Variants in MICAL1 observed in about 807,000 individuals in gnomAD.
MICAL1 encodes microtubule associated monooxygenase, calponin and LIM domain containing 1.
In MICAL1, 95 loss-of-function variants were observed where a neutral mutation model predicts 131.8. That is an observed-to-expected ratio of 0.72 (90% CI 0.61 to 0.86). The LOEUF (loss-of-function observed/expected upper bound fraction) is 0.86. MICAL1 is among the 40% of genes least tolerant of loss of function. The pLI, the probability that MICAL1 is intolerant of heterozygous loss-of-function variation, is 0.00. For synonymous variants in MICAL1, 546 were observed against 554.2 expected, an observed-to-expected ratio of 0.99 and a Z score of 0.21; for missense variants, 1,292 against 1,380.6, an observed-to-expected ratio of 0.94 and a Z score of 1.02.
Position 109,444,229 on chromosome 6 carries a change from G to A in MICAL1, c.3166C>T (p.Leu1056Phe). The change falls in exon 25 of 25, where the codon CTC (leucine) becomes TTC (phenylalanine). Residue 1056 changes from leucine to phenylalanine, a missense_variant. Physicochemically the swap from Leu to Phe is conservative, Grantham distance 22. Coordinates refer to ENST00000358807, the MANE Select transcript of MICAL1 (RefSeq NM_022765.4). Reference protein sequence around the residue: ...ALIRFQEERRLSELALGTGAQ... With the variant: ...ALIRFQEERRFSELALGTGAQ... Reference sequence around the variant, plus strand: ...CCTGTCCCCAAGGCCAGCTCGCTGAGCCTGCGCTCCTCCTGGAAGCGGATG... The same window carrying A: ...CCTGTCCCCAAGGCCAGCTCGCTGAACCTGCGCTCCTCCTGGAAGCGGATG... 6.2e-7 allele frequency: 1 copy of A among 1,613,638 alleles called. No individual in the cohort carries two copies. The highest frequency in any genetic ancestry group is 8.5e-7 in the Non-Finnish European group (1 of 1,180,020).
Position 109,451,152 on chromosome 6 carries a change from CTTT to C in MICAL1, c.933+445_933+447del, listed in dbSNP as rs34927673. ...CTGCCTTGTAAATCCCAGGGGAGAA[CTTT>C]TTTTTTTTTTTTTTTTGAGACAGAG... On this transcript the variant is annotated intron_variant, in intron 7 of 24. Coordinates refer to ENST00000358807, the MANE Select transcript of MICAL1 (RefSeq NM_022765.4). Among the ~76,000 whole-genome samples the C allele has an allele frequency of 2.7e-3, 357 of 134,460 alleles. 2 individuals carry two copies. Among genetic ancestry groups the C allele is most frequent in the African/African-American group, 5.2e-3 (186 of 36,024 alleles). The allele number at this position is 134,460 out of a possible 152,430, so 88.2% of individuals were successfully genotyped here.
intron 1 of MICAL1, chr6:109,465,571 C>T: frequency 7.4e-7 from 1 of 1,346,818 alleles, no homozygotes; most frequent in Non-Finnish European, 1.0e-6. Context: ...AGATCAATGC[C>T]CCCAAAGAAA....
chr6:109,460,380 G>T (rs1000243128), upstream of MICAL1, among the ~76,000 whole-genome samples: 24 of 145,636 alleles, frequency 1.6e-4, no homozygotes, highest in African/African-American at 5.9e-4. Flanking sequence ...AGTGAGCCAT[G>T]ATCATGCCAC....
chr6:109,449,344 G>T, intron 11 of MICAL1, 56 bp downstream of exon 11: 1 of 1,568,100 alleles, frequency 6.4e-7, no homozygotes, highest in Non-Finnish European at 8.8e-7. Context: ...GGGACCACCT[G>T]GGCCTCGCTG....
chr6:109,448,118 C>T (rs1039543236), intron 13 of MICAL1, 85 bp downstream of exon 13: 13 of 1,218,234 alleles, frequency 1.1e-5, no homozygotes, highest in East Asian at 5.3e-5. Context: ...ACACACACAC[C>T]GCCTTCTCCC....
intron 18 of MICAL1, 91 bp downstream of exon 18, chr6:109,446,605 G>T: frequency 1.4e-6 from 2 of 1,435,242 alleles, no homozygotes; most frequent in South Asian, 1.2e-5. Context: ...AGTAGAAGAC[G>T]ACATTCAGTT....
At chr6:109,459,716 G>A (rs934847504), upstream of MICAL1, among the ~76,000 whole-genome samples, 1 of 152,204 alleles carries the variant, frequency 6.6e-6, no homozygotes, top group Non-Finnish European at 1.5e-5. Flanking sequence ...TTCAGGATCA[G>A]TTAAATACTT....
intron 1 of MICAL1, chr6:109,465,454 T>A: frequency 1.7e-6 from 1 of 601,430 alleles, no homozygotes; most frequent in Non-Finnish European, 2.9e-6. Context: ...TCTGCCCAGT[T>A]CAACCAAAAT....
At chr6:109,460,226 G>A (rs1775851201), upstream of MICAL1, among the ~76,000 whole-genome samples, 1 of 151,920 alleles carries the variant, frequency 6.6e-6, no homozygotes, top group Non-Finnish European at 1.5e-5. Flanking sequence ...AGGCTGAGGT[G>A]GGAGGATCAC....
chr6:109,463,013 A>T (rs1775930721), intron 1 of MICAL1: 1 of 152,068 alleles, frequency 6.6e-6, no homozygotes, highest in Non-Finnish European at 1.5e-5. Context: ...TTTGAGACGG[A>T]GTCTCGCTCT....
chr6:109,457,116 G>T (rs1418991597), upstream of MICAL1, among the ~76,000 whole-genome samples: 1 of 152,078 alleles, frequency 6.6e-6, no homozygotes. Flanking sequence ...CTGAGACCCA[G>T]TAAGACCTGA....
chr6:109,445,088 C>A, intron 22 of MICAL1, 93 bp from the exon 23 acceptor site: 1 of 1,571,454 alleles, frequency 6.4e-7, no homozygotes, highest in South Asian at 1.1e-5. Flanking sequence ...AGCCGGGTGT[C>A]ACAGGTATGT....
intron 11 of MICAL1, 89 bp from the exon 12 acceptor site, chr6:109,448,968 A>G: frequency 1.3e-6 from 2 of 1,544,174 alleles, no homozygotes; most frequent in Non-Finnish European, 1.7e-6. Flanking sequence ...GGGGTTCTGT[A>G]GGGGAGGAGG....
chr6:109,447,314 G>A (rs777060610), intron 16 of MICAL1, 43 bp downstream of exon 16: 57 of 1,612,938 alleles, frequency 3.5e-5, no homozygotes, highest in Non-Finnish European at 4.7e-5. Context: ...CCCCTGCCCT[G>A]CCCTCCCCGG....
intron 1 of MICAL1, among the ~76,000 whole-genome samples, chr6:109,461,804 T>G (rs1775894169): frequency 6.6e-6 from 1 of 152,206 alleles, no homozygotes; most frequent in Non-Finnish European, 1.5e-5. Flanking sequence ...CTATTAACCT[T>G]GGGAATAAGA....
chr6:109,451,154 T>A (rs1399957274), intron 7 of MICAL1, among the ~76,000 whole-genome samples: 1 of 36,228 alleles, frequency 2.8e-5, no homozygotes, highest in East Asian at 7.7e-4. Flanking sequence ...GGGGAGAACT[T>A]TTTTTTTTTT....
upstream of MICAL1, among the ~76,000 whole-genome samples, chr6:109,457,743 T>A (rs546961779): frequency 6.6e-6 from 1 of 152,362 alleles, no homozygotes; most frequent in South Asian, 2.1e-4. Context: ...CAGGGTCATG[T>A]GGCTCTATGA....
At chr6:109,457,292 A>G (rs1257243874), upstream of MICAL1, among the ~76,000 whole-genome samples, 1 of 152,190 alleles carries the variant, frequency 6.6e-6, no homozygotes, top group African/African-American at 2.4e-5. Context: ...GTGACACGTC[A>G]TTTGGCTTGA....
chr6:109,447,694 T>A lies in MICAL1; in HGVS notation c.1973A>T (p.Lys658Met), dbSNP rs531636584. 1 of 1,614,096 alleles carries A rather than the reference T, an allele frequency of 6.2e-7. No individual in the cohort carries two copies. Among genetic ancestry groups the A allele is most frequent in the East Asian group, 2.2e-5 (1 of 44,870 alleles). ...KENAEDAGGKKLRLEMEAETP... is the reference protein window; with the variant it reads ...KENAEDAGGKMLRLEMEAETP... ...GCCTGCATTCACCTCCAAGCGCAGC[T>A]TCTTGCCACCAGCATCCTCTGCATT... is the stretch of plus-strand genomic sequence containing the variant. The change falls in exon 15 of 25, where the codon AAG (lysine) becomes ATG (methionine). Residue 658 changes from lysine (K) to methionine (M), a missense_variant. Physicochemically the swap from Lys to Met is moderately conservative, Grantham distance 95. Coordinates refer to ENST00000358807, the MANE Select transcript of MICAL1 (RefSeq NM_022765.4).
Sources: allele counts gnomAD v4.1 joint callset (sites outside exome capture counted in the v4.1 genomes callset), GRCh38; gene constraint gnomAD v4.1.1; transcripts MANE v1.5; gene names NCBI Gene and HGNC (gene_info 2026-07-23, HGNC 2026-07-21).